GALNTL6: variants seen among roughly 807,000 people sequenced by gnomAD.
The protein encoded by GALNTL6 is polypeptide N-acetylgalactosaminyltransferase-like 6.
Under a neutral mutation model 73.7 loss-of-function variants are expected in GALNTL6, and 46 were observed. The observed-to-expected ratio is 0.62, with a 90% CI of 0.49 to 0.80. The LOEUF (loss-of-function observed/expected upper bound fraction) is 0.80. Ranked by LOEUF, GALNTL6 falls within the 30% of genes least tolerant of loss-of-function variation. The pLI, the probability that GALNTL6 is intolerant of heterozygous loss-of-function variation, is 0.00. For synonymous variants in GALNTL6, 259 were observed against 263.7 expected (o/e 0.98, Z 0.17); for missense variants, 604 against 755.0 (o/e 0.80, Z 2.34).
intron 7 of GALNTL6, among the ~76,000 whole-genome samples, chr4:172,873,985 A>G (rs1305547333): frequency 6.6e-6 from 1 of 152,248 alleles, no homozygotes; most frequent in African/African-American, 2.4e-5. Context: ...AAGATGAAGG[A>G]GTAATGTTTT....
At chr4:171,944,813 T>TA (rs528131541) in intron 2 of GALNTL6, among the ~76,000 whole-genome samples, 29 of 149,900 alleles carry the variant, frequency 1.9e-4, no homozygotes, top group East Asian at 3.9e-4. Flanking sequence ...CAAAGATACT[T>TA]AAAAAAAAAA....
chr4:172,416,672 A>G (rs1021393795), intron 5 of GALNTL6, among the ~76,000 whole-genome samples: 3 of 152,196 alleles, frequency 2.0e-5, no homozygotes, highest in African/African-American at 7.2e-5. Context: ...TATAAAAAGT[A>G]CATACAAGAT....
At chr4:172,904,414 A>T (rs1285082100) in intron 8 of GALNTL6, among the ~76,000 whole-genome samples, 4 of 152,186 alleles carry the variant, frequency 2.6e-5, no homozygotes, top group African/African-American at 4.8e-5. Flanking sequence ...AGGCAGGGGC[A>T]CTGCTGCCTT....
At chr4:172,219,730 G>A (rs1402698947) in intron 2 of GALNTL6, among the ~76,000 whole-genome samples, 1 of 151,858 alleles carries the variant, frequency 6.6e-6, no homozygotes, top group Non-Finnish European at 1.5e-5. Flanking sequence ...TCTTCTAGTT[G>A]TCAAGTCTTG....
chr4:171,998,934 G>A (rs1740584488), intron 2 of GALNTL6, among the ~76,000 whole-genome samples: 1 of 152,132 alleles, frequency 6.6e-6, no homozygotes, highest in African/African-American at 2.4e-5. Context: ...TTTGTCCTAG[G>A]ACTGGTTCCT....
intron 5 of GALNTL6, chr4:172,545,504 G>A (rs905275539): frequency 1.3e-5 from 2 of 152,178 alleles, no homozygotes; most frequent in African/African-American, 2.4e-5. Flanking sequence ...CAGAATCCTT[G>A]TGTGGATTTC....
At chr4:172,557,440 T>C (rs1736188698) in intron 5 of GALNTL6, among the ~76,000 whole-genome samples, 1 of 152,070 alleles carries the variant, frequency 6.6e-6, no homozygotes, top group South Asian at 2.1e-4. Context: ...GAAGTTACCA[T>C]TAATAAAATG....
chr4:172,405,204 T>C (rs1003225768), intron 5 of GALNTL6, among the ~76,000 whole-genome samples: 8 of 151,742 alleles, frequency 5.3e-5, no homozygotes, highest in African/African-American at 1.9e-4. Flanking sequence ...AGAGGCTCTT[T>C]TAGACACTAG....
intron 5 of GALNTL6, among the ~76,000 whole-genome samples, chr4:172,542,552 A>G (rs1036001808): frequency 1.3e-5 from 2 of 152,134 alleles, no homozygotes; most frequent in Admixed American, 1.3e-4. Context: ...CCATCTGATG[A>G]TCGCTTGACA....
At chr4:173,027,712 A>C (rs1183281540) in intron 12 of GALNTL6, among the ~76,000 whole-genome samples, 1 of 152,210 alleles carries the variant, frequency 6.6e-6, no homozygotes, top group Non-Finnish European at 1.5e-5. Flanking sequence ...TAATCAGGCA[A>C]GATATAGACC....
intron 10 of GALNTL6, among the ~76,000 whole-genome samples, chr4:172,976,123 C>T (rs888589010): frequency 6.6e-6 from 1 of 152,170 alleles, no homozygotes; most frequent in Non-Finnish European, 1.5e-5. Context: ...ACAGCCACTG[C>T]TCCAAGTGGA....
At chr4:172,905,249 C>T (rs1406488601) in intron 8 of GALNTL6, among the ~76,000 whole-genome samples, 2 of 152,070 alleles carry the variant, frequency 1.3e-5, no homozygotes, top group Admixed American at 1.3e-4. Context: ...CTCTCAAAAC[C>T]ATTAACCTAA....
intron 3 of GALNTL6, among the ~76,000 whole-genome samples, chr4:172,277,842 A>G (rs1444086749): frequency 1.3e-5 from 2 of 152,184 alleles, no homozygotes; most frequent in Admixed American, 1.3e-4. Flanking sequence ...AATTTTTAAC[A>G]TATTTCATTC....
intron 2 of GALNTL6, among the ~76,000 whole-genome samples, chr4:171,907,045 A>T (rs113898932): frequency 6.6e-6 from 1 of 152,160 alleles, no homozygotes; most frequent in Admixed American, 6.5e-5. Context: ...ATCATACTGA[A>T]TGGGCAAAAA....
chr4:172,637,633 A>G (rs1325953268), intron 5 of GALNTL6, among the ~76,000 whole-genome samples: 1 of 152,196 alleles, frequency 6.6e-6, no homozygotes, highest in South Asian at 2.1e-4. Context: ...AATAAATTCT[A>G]CAAAGTGTGG....
At chr4:172,546,797 C>CATATATATACGTATATATAT (rs1411417146) in intron 5 of GALNTL6, among the ~76,000 whole-genome samples, 532 of 35,936 alleles carry the variant, frequency 0.015, 73 homozygotes, top group African/African-American at 0.047. Flanking sequence ...TATATATATA[C>CATATATATACGTATATATAT]GTATATATAC....
At chr4:172,132,859 T>G (rs906256502) in intron 2 of GALNTL6, among the ~76,000 whole-genome samples, 2 of 152,168 alleles carry the variant, frequency 1.3e-5, no homozygotes, top group African/African-American at 4.8e-5. Flanking sequence ...GTATCTTTTT[T>G]CCCCTAATCA....
At chr4:172,758,808 G>A (rs768829359) in intron 5 of GALNTL6, among the ~76,000 whole-genome samples, 3 of 152,110 alleles carry the variant, frequency 2.0e-5, no homozygotes, top group Admixed American at 6.5e-5. Context: ...TATTAGTCAC[G>A]TAGCAGCCCT....
intron 3 of GALNTL6, among the ~76,000 whole-genome samples, chr4:172,302,031 C>G (rs909163094): frequency 4.6e-5 from 7 of 152,202 alleles, no homozygotes; most frequent in African/African-American, 1.7e-4. Flanking sequence ...TTCAAGATTC[C>G]CAGCCGCTTT....
Sources: allele counts gnomAD v4.1 joint callset (sites outside exome capture counted in the v4.1 genomes callset), GRCh38; gene constraint gnomAD v4.1.1; transcripts MANE v1.5; gene names NCBI Gene and HGNC (gene_info 2026-07-23, HGNC 2026-07-21).